Variants in TBC1D17 observed in about 807,000 individuals in gnomAD.
TBC1D17 encodes TBC1 domain family member 17.
A neutral mutation model predicts 78.8 loss-of-function variants in TBC1D17; 69 were observed. The ratio of observed to expected loss-of-function variants is 0.88; its 90% CI spans 0.72 to 1.07. The LOEUF (loss-of-function observed/expected upper bound fraction) is 1.07. TBC1D17 is among the 50% of genes least tolerant of loss of function. TBC1D17 has a pLI of 0.00. For missense variants in TBC1D17, 957 were observed against 861.0 expected (o/e 1.11, Z -1.39); for synonymous variants, 456 against 358.3 (o/e 1.27, Z -3.08).
Position 49,882,304 on chromosome 19 carries a change from C to G in TBC1D17, c.702C>G (p.Phe234Leu). Residue 234 changes from phenylalanine to leucine, a missense_variant, in exon 7 of 17, where the codon TTC becomes TTG. Phe to Leu is a conservative substitution (Grantham distance 22). Coordinates refer to ENST00000221543, the MANE Select transcript of TBC1D17 (RefSeq NM_024682.3). The part of the protein sequence containing the change: ...FSSFSRVTNF[F>L]RGALQPQPEG... ...GCTTCTCCCGAGTGACCAACTTCTT[C>G]CGGGGTGCCCTGCAGCCACAGCCTG... 6.2e-7 allele frequency: 1 copy of G among 1,612,062 alleles called. No individual in the cohort carries two copies. The highest frequency in any genetic ancestry group is 8.5e-7 in the Non-Finnish European group (1 of 1,179,998).
chr19:49,887,257 T>C (rs1003458505), intron 13 of TBC1D17: 13 of 554,434 alleles, frequency 2.3e-5, no homozygotes, highest in African/African-American at 3.8e-5. Flanking sequence ...TCCATGTCCA[T>C]GGCAGATGTG....
chr19:49,884,215 C>T, intron 10 of TBC1D17, 38 bp from the exon 11 acceptor site: 1 of 1,591,520 alleles, frequency 6.3e-7, no homozygotes, highest in Non-Finnish European at 8.6e-7. Context: ...GGCCCCCCTA[C>T]CTTTCTCACC....
intron 1 of TBC1D17, 184 bp from the exon 2 acceptor site, chr19:49,877,959 C>G (rs2074971753): frequency 2.8e-6 from 2 of 725,608 alleles, no homozygotes; most frequent in Admixed American, 2.9e-5. Flanking sequence ...TGAGCCCTGC[C>G]CCCTGTGGAA....
chr19:49,883,743 T>C lies in TBC1D17; in HGVS notation c.1124T>C (p.Ile375Thr), dbSNP rs2075035798. The change falls in exon 10 of 17, where the codon ATC becomes ACC. Residue 375 changes from isoleucine to threonine, a missense_variant and splice_region_variant. Transcript: ENST00000221543. Reference sequence around the variant, plus strand: ...CTTCTGCATGGATACCGCAGCCTCATCGGTCAGTGTCAGGGGTGGCACTTA... The same window carrying C: ...CTTCTGCATGGATACCGCAGCCTCACCGGTCAGTGTCAGGGGTGGCACTTA... ...NSLLHGYRSL[I>T]ERDVSRTDRT... 6.2e-7 allele frequency: 1 copy of C among 1,613,398 alleles called. No individual in the cohort carries two copies. The highest frequency in any genetic ancestry group is 8.5e-7 in the Non-Finnish European group (1 of 1,179,680).
Position 49,883,748 on chromosome 19 carries a change from C to T in TBC1D17, c.1126+3C>T, listed in dbSNP as rs1354458587. ...GCATGGATACCGCAGCCTCATCGGT[C>T]AGTGTCAGGGGTGGCACTTAGGGTG... On this transcript the variant is annotated splice_donor_region_variant and intron_variant, in intron 10 of 16. Transcript: ENST00000221543. 6.2e-7 allele frequency: 1 copy of T among 1,613,174 alleles called. No homozygotes were observed. Among genetic ancestry groups the T allele is most frequent in the African/African-American group, 1.3e-5 (1 of 74,878 alleles).
intron 13 of TBC1D17, chr19:49,885,166 G>A (rs575121481): frequency 1.6e-5 from 4 of 243,254 alleles, no homozygotes; most frequent in Non-Finnish European, 3.3e-5. Context: ...TTTATTCTTC[G>A]ACCAGGCACA....
chr19:49,882,731 C>A (rs368910294), intron 7 of TBC1D17, 33 bp from the exon 8 acceptor site: 3 of 1,504,648 alleles, frequency 2.0e-6, no homozygotes, highest in Non-Finnish European at 2.7e-6. Context: ...ACCACCCCGC[C>A]GAGCCCCAGG....
Position 49,882,899 on chromosome 19 carries a change from G to T in TBC1D17, c.927+7G>T, listed in dbSNP as rs1396276992. The T allele has an allele frequency of 1.9e-6, 3 of 1,602,368 alleles. No homozygotes were observed. The African/African-American group carries it at 4.0e-5, about 22-fold the overall frequency. Reference sequence around the variant, plus strand: ...GAACCGGATCTTCTCGGGGGTGAGTGCCAGGACAGGTGGAAGAATGGGGCA... The same window carrying T: ...GAACCGGATCTTCTCGGGGGTGAGTTCCAGGACAGGTGGAAGAATGGGGCA... On this transcript the variant is annotated splice_region_variant and intron_variant, in intron 8 of 16. Transcript: ENST00000221543.
chr19:49,880,501 C>A, intron 4 of TBC1D17, 99 bp downstream of exon 4: 1 of 1,460,242 alleles, frequency 6.8e-7, no homozygotes, highest in Non-Finnish European at 9.2e-7. Context: ...TGCCCACAAT[C>A]AAGAAGGCCA....
At position 49,884,485 on chromosome 19, in the gene TBC1D17, C is replaced by T; in HGVS notation, c.1270C>T (p.Leu424Phe). 6.2e-7 allele frequency: 1 copy of T among 1,614,166 alleles called. No homozygotes were observed. Among genetic ancestry groups the T allele is most frequent in the East Asian group, 2.2e-5 (1 of 44,882 alleles). Residue 424 changes from leucine to phenylalanine, a missense_variant, in exon 12 of 17, where the codon CTC (leucine) becomes TTC (phenylalanine). Coordinates refer to ENST00000221543, the MANE Select transcript of TBC1D17 (RefSeq NM_024682.3). Reference sequence around the variant, plus strand: ...CTACGTCCAGGGCATGAGTGATCTTCTCTCCCCGATCCTCTACGTCATTCA... The same window carrying T: ...CTACGTCCAGGGCATGAGTGATCTTTTCTCCCCGATCCTCTACGTCATTCA... ...LGYVQGMSDL[L>F]SPILYVIQNE...
At chr19:49,887,684 G>T (rs368330508) in intron 14 of TBC1D17, 34 bp from the exon 15 acceptor site, 2 of 1,610,850 alleles carry the variant, frequency 1.2e-6, no homozygotes, top group Non-Finnish European at 8.5e-7. Flanking sequence ...GCTGGGCTAT[G>T]ACCTCCCTCC....
chr19:49,882,199 C>A, intron 6 of TBC1D17, 43 bp from the exon 7 acceptor site: 1 of 1,612,988 alleles, frequency 6.2e-7, no homozygotes, highest in South Asian at 1.1e-5. Flanking sequence ...CAGGGAGGGA[C>A]GAGAAGGGGC....
intron 16 of TBC1D17, 41 bp from the exon 17 acceptor site, chr19:49,888,383 T>G (rs767797117): frequency 1.5e-5 from 17 of 1,150,942 alleles, no homozygotes; most frequent in Non-Finnish European, 1.9e-5. Flanking sequence ...CCTTCTCACC[T>G]TCACCTTCCG....
chr19:49,883,826 T>G lies in TBC1D17; in HGVS notation c.1126+81T>G, dbSNP rs1044744296. The G allele has an allele frequency of 1.3e-5, 16 of 1,242,226 alleles. No homozygotes were observed. The African/African-American group carries it at 2.4e-4, about 18-fold the overall frequency. The allele number at this position is 1,242,226 out of a possible 1,614,324, so 77.0% of individuals were successfully genotyped here. A position where few individuals can be genotyped will look rare whatever the true frequency, so the allele number is the denominator to read the frequency against. ...CTCAGGCATAAGTGCGAGTGGGAGATAGAGGGAGCCCCCTGCCTCCCCAAG... is the reference window on the plus strand; with the variant it reads ...CTCAGGCATAAGTGCGAGTGGGAGAGAGAGGGAGCCCCCTGCCTCCCCAAG... On this transcript the variant is annotated intron_variant, in intron 10 of 16. Coordinates refer to ENST00000221543, the MANE Select transcript of TBC1D17 (RefSeq NM_024682.3).
At chr19:49,887,369 A>G in intron 13 of TBC1D17, 107 bp from the exon 14 acceptor site, 1 of 1,189,476 alleles carries the variant, frequency 8.4e-7, no homozygotes, top group Non-Finnish European at 1.2e-6. Flanking sequence ...CCAGCCAGGC[A>G]TAAGTCACTT....
chr19:49,888,015 A>G (rs1600455568), intron 15 of TBC1D17, 181 bp downstream of exon 15: 1 of 944,796 alleles, frequency 1.1e-6, no homozygotes. Flanking sequence ...GCTCCCAGCA[A>G]GGTCCTCCGG....
chr19:49,882,199 C>T (rs370608212), intron 6 of TBC1D17, 43 bp from the exon 7 acceptor site: 25 of 1,612,870 alleles, frequency 1.6e-5, no homozygotes, highest in African/African-American at 1.1e-4. Flanking sequence ...CAGGGAGGGA[C>T]GAGAAGGGGC....
intron 3 of TBC1D17, 56 bp from the exon 4 acceptor site, chr19:49,880,223 C>G (rs763262066): frequency 1.3e-6 from 2 of 1,597,752 alleles, no homozygotes; most frequent in Admixed American, 3.4e-5. Flanking sequence ...AGGGTAGCCT[C>G]GAGGCTAAGA....
At chr19:49,883,195 C>T in intron 9 of TBC1D17, 119 bp downstream of exon 9, 1 of 880,212 alleles carries the variant, frequency 1.1e-6, no homozygotes, top group Non-Finnish European at 1.7e-6. Context: ...CCATCCTGCG[C>T]CTGTGGAATA....
Sources: gnomAD v4.1 joint callset for allele counts on GRCh38, gnomAD v4.1.1 for gene constraint, MANE v1.5 for transcripts, NCBI Gene and HGNC (gene_info 2026-07-23, HGNC 2026-07-21) for gene names.